Variants in TRPV5 observed in about 807,000 individuals in gnomAD.
The protein encoded by TRPV5 is calcium transport protein 2.
Under a neutral mutation model 74.1 loss-of-function variants are expected in TRPV5, and 66 were observed. That is an observed-to-expected ratio of 0.89 (90% confidence interval 0.73 to 1.09). TRPV5 has a LOEUF of 1.09. TRPV5 is among the 50% of genes least tolerant of loss of function. TRPV5 has a pLI of 0.00. For synonymous variants in TRPV5, 399 were observed against 360.7 expected (o/e 1.11, Z -1.20); for missense variants, 936 against 930.4 (o/e 1.01, Z -0.08).
At chr7:142,918,570 T>C (rs922281557) in intron 8 of TRPV5, among the ~76,000 whole-genome samples, 1 of 152,220 alleles carries the variant, frequency 6.6e-6, no homozygotes, top group Non-Finnish European at 1.5e-5. Context: ...GCCTTCAGAA[T>C]AGAAATGCAG....
rs200067461 is a variant in TRPV5, at chr7:142,925,587, C to T, written c.1064G>A (p.Arg355His). ...TCGAGAATGAGTGCGGTTGCCACCACGAAACTTAAGGGGGCGGTAGACGCA... is the reference window on the plus strand; with the variant it reads ...TCGAGAATGAGTGCGGTTGCCACCATGAAACTTAAGGGGGCGGTAGACGCA... The part of the protein sequence containing the change: ...TCCVYRPLKF[R>H]GGNRTHSRDI... Residue 355 changes from arginine (R) to histidine (H), a missense_variant, in exon 8 of 15, where the codon CGT becomes CAT. Physicochemically the swap from Arg to His is conservative, Grantham distance 29. Transcript: ENST00000265310. 4.8e-5 allele frequency: 78 copies of T among 1,614,110 alleles called. No individual in the cohort carries two copies. The highest frequency in any genetic ancestry group is 1.6e-4 in the Middle Eastern group (1 of 6,062).
At chr7:142,930,236 G>A (rs775689935) in intron 2 of TRPV5, 56 bp from the exon 3 acceptor site, 160 of 1,607,310 alleles carry the variant, frequency 1.0e-4, no homozygotes, top group Admixed American at 2.0e-4. Flanking sequence ...TTGAGGAAGG[G>A]GCCTCAGGCT....
In TRPV5 at chr7:142,917,092, G is replaced by T. The variant is rs76805818; in HGVS notation, c.1123-1524C>A. 4.4e-3 allele frequency among the ~76,000 whole-genome samples: 644 copies of T among 146,506 alleles called. 5 individuals are homozygous for T. The highest frequency in any genetic ancestry group is 0.016 in the African/African-American group (601 of 37,440). ...TGGTTTTTTTTTGTGCGTTTTTTTTGTTTTGTTTTGTTTTGTTTTTTTGTC... is the reference window on the plus strand; with the variant it reads ...TGGTTTTTTTTTGTGCGTTTTTTTTTTTTTGTTTTGTTTTGTTTTTTTGTC... On this transcript the variant is annotated intron_variant, in intron 8 of 14. Coordinates refer to ENST00000265310, the MANE Select transcript of TRPV5 (RefSeq NM_019841.7).
Position 142,933,453 on chromosome 7 carries a change from C to G in TRPV5, c.7G>C (p.Gly3Arg). 1 of 1,613,080 alleles carries G rather than the reference C, an allele frequency of 6.2e-7. No homozygotes were observed. Among genetic ancestry groups the G allele is most frequent in the Non-Finnish European group, 8.5e-7 (1 of 1,179,642 alleles). The change falls in exon 1 of 15, where the codon GGT becomes CGT. Residue 3 changes from glycine (G) to arginine (R), a missense_variant. Transcript: ENST00000265310. MGGFLPKAEGPGS... is the reference protein window; with the variant it reads MGRFLPKAEGPGS... The stretch of plus-strand genomic sequence containing the variant: ...GGCCCTTCTGCCTTAGGTAGAAAAC[C>G]CCCCATGTCTTCTCCTTGCAGACAC...
chr7:142,931,541 C>T (rs1286144807), intron 1 of TRPV5, among the ~76,000 whole-genome samples: 1 of 152,160 alleles, frequency 6.6e-6, no homozygotes, highest in African/African-American at 2.4e-5. Context: ...AAGCTGGAGC[C>T]TCTCCAACTA....
chr7:142,919,122 G>T (rs1795844115), intron 8 of TRPV5, among the ~76,000 whole-genome samples: 1 of 152,158 alleles, frequency 6.6e-6, no homozygotes, highest in Non-Finnish European at 1.5e-5. Context: ...CACTCCTCCT[G>T]GGCCTCCTTT....
At chr7:142,922,986 A>G (rs555276228) in intron 8 of TRPV5, among the ~76,000 whole-genome samples, 8 of 152,286 alleles carry the variant, frequency 5.3e-5, no homozygotes, top group Admixed American at 5.2e-4. Context: ...TACCTTATAC[A>G]GAGGAATTTG....
intron 12 of TRPV5, among the ~76,000 whole-genome samples, chr7:142,913,048 T>C (rs1795729178): frequency 6.6e-6 from 1 of 152,136 alleles, no homozygotes; most frequent in Non-Finnish European, 1.5e-5. Context: ...TGTGTGTTTG[T>C]ATGGATAATG....
chr7:142,914,573 A>T (rs41275033), intron 12 of TRPV5, 67 bp downstream of exon 12: 29,816 of 1,331,070 alleles, frequency 0.022, 738 homozygotes, highest in African/African-American at 0.13. Flanking sequence ...ACTGAGAGCA[A>T]GAATGAGAGT....
Position 142,928,206 on chromosome 7 carries a change from C to G in TRPV5, c.791G>C (p.Arg264Thr). 1 of 1,614,146 alleles carries G rather than the reference C, an allele frequency of 6.2e-7. No homozygotes were observed. The highest frequency in any genetic ancestry group is 8.5e-7 in the Non-Finnish European group (1 of 1,180,026). ...GGGTCCATACGTCCACTGGATGTGC[C>G]TCCGCTTCTGCATCAGGTGCTGGAA... Reference protein sequence around the residue: ...VMFQHLMQKRRHIQWTYGPLT... With the variant: ...VMFQHLMQKRTHIQWTYGPLT... Residue 264 changes from arginine to threonine, a missense_variant, in exon 7 of 15, where the codon AGG becomes ACG. Coordinates refer to ENST00000265310, the MANE Select transcript of TRPV5 (RefSeq NM_019841.7).
chr7:142,922,788 A>G (rs1795907263), intron 8 of TRPV5, among the ~76,000 whole-genome samples: 1 of 152,230 alleles, frequency 6.6e-6, no homozygotes, highest in South Asian at 2.1e-4. Flanking sequence ...TGCTCTGCCT[A>G]AACCAAGTAG....
intron 14 of TRPV5, among the ~76,000 whole-genome samples, 192 bp downstream of exon 14, chr7:142,909,298 C>T (rs537142362): frequency 6.6e-6 from 1 of 152,254 alleles, no homozygotes; most frequent in East Asian, 1.9e-4. Context: ...GACGTCTGAG[C>T]ATGGACACAT....
chr7:142,926,018 T>C (rs760530793), intron 7 of TRPV5, among the ~76,000 whole-genome samples: 3 of 152,138 alleles, frequency 2.0e-5, no homozygotes, highest in Non-Finnish European at 4.4e-5. Flanking sequence ...GGAAAGATCA[T>C]ACCATAAGCT....
In TRPV5 at chr7:142,915,071, G is replaced by A. The variant is rs4252489; in HGVS notation, c.1287-25C>T. On this transcript the variant is annotated intron_variant, in intron 10 of 14. Coordinates refer to ENST00000265310, the MANE Select transcript of TRPV5 (RefSeq NM_019841.7). ...GCTGGGGGAGCAGAAAGCAGAGAGT[G>A]AGAGACAAGCTGGAACTATTTTAGG... is the stretch of plus-strand genomic sequence containing the variant. 6,112 of 1,610,180 alleles carry A rather than the reference G, an allele frequency of 3.8e-3. 213 individuals carry two copies. The African/African-American group carries it at 0.072, about 19-fold the overall frequency.
chr7:142,909,453 C>T, intron 14 of TRPV5, 37 bp downstream of exon 14: 2 of 1,608,594 alleles, frequency 1.2e-6, no homozygotes, highest in Non-Finnish European at 1.7e-6. Flanking sequence ...TGGCCTTATA[C>T]ACATCTGCAG....
intron 13 of TRPV5, among the ~76,000 whole-genome samples, chr7:142,911,472 C>A (rs1049890079): frequency 1.3e-5 from 2 of 152,200 alleles, no homozygotes; most frequent in African/African-American, 4.8e-5. Flanking sequence ...TTCTTGCTCA[C>A]CTTTGGGTTC....
Position 142,915,184 on chromosome 7 carries a change from A to T in TRPV5, c.1286+123T>A, listed in dbSNP as rs1265995802. 4 of 1,508,946 alleles carry T rather than the reference A, an allele frequency of 2.7e-6. No individual in the cohort carries two copies. The African/African-American group carries it at 5.6e-5, about 21-fold the overall frequency. The allele number at this position is 1,508,946 out of a possible 1,614,324, so 93.5% of individuals were successfully genotyped here. ...AAACGCACATACAGTTACACCTACA[A>T]GTCCACTGGAGAGAAGTCCTTGGAG... is the stretch of plus-strand genomic sequence containing the variant. On this transcript the variant is annotated intron_variant, in intron 10 of 14. Coordinates refer to ENST00000265310, the MANE Select transcript of TRPV5 (RefSeq NM_019841.7).
At chr7:142,927,873 G>T (rs1158206456) in intron 7 of TRPV5, among the ~76,000 whole-genome samples, 3 of 152,234 alleles carry the variant, frequency 2.0e-5, no homozygotes, top group African/African-American at 7.2e-5. Context: ...GAAGGCGAAA[G>T]GTAGGCAGAA....
chr7:142,925,780 C>G, intron 7 of TRPV5, 39 bp from the exon 8 acceptor site: 2 of 1,575,096 alleles, frequency 1.3e-6, no homozygotes, highest in Non-Finnish European at 1.7e-6. Context: ...GTGACCAACA[C>G]AGAAGGATGT....
Sources: gnomAD v4.1 joint callset for allele counts (sites outside exome capture counted in the v4.1 genomes callset) on GRCh38, gnomAD v4.1.1 for gene constraint, MANE v1.5 for transcripts, NCBI Gene and HGNC (gene_info 2026-07-23, HGNC 2026-07-21) for gene names.